The following TRPM5 variants were observed in gnomAD, a reference collection of about 807,000 sequenced individuals.
The protein encoded by TRPM5 is MLSN1 and TRP-related.
TRPM5 carries 121 observed loss-of-function variants against 124.9 expected under a neutral mutation model. That is an observed-to-expected ratio of 0.97 (90% CI 0.84 to 1.13). The LOEUF (loss-of-function observed/expected upper bound fraction) is 1.13, where lower values mean the gene tolerates loss of function less well. TRPM5 is among the 50% of genes most tolerant of loss of function. The pLI, the probability that TRPM5 is intolerant of heterozygous loss-of-function variation, is 0.00. For synonymous variants in TRPM5, 781 were observed against 700.5 expected (o/e 1.11, Z -1.81); for missense variants, 1,643 against 1,589.1 (o/e 1.03, Z -0.58).
chr11:2,433,752 T>C, the TRPM5 span, among the ~76,000 whole-genome samples: 11 of 152,234 alleles, frequency 7.2e-5, no homozygotes, highest in African/African-American at 2.7e-4. Flanking sequence ...TGTGCCTGTG[T>C]GTGTCACTGT....
intron 21 of TRPM5, among the ~76,000 whole-genome samples, chr11:2,406,312 T>C (rs972394056): frequency 6.6e-6 from 1 of 152,100 alleles, no homozygotes; most frequent in African/African-American, 2.4e-5. Flanking sequence ...TAGGGTGCCA[T>C]CCCTGCCTGG....
Position 2,407,138 on chromosome 11 carries a change from CTCAGCCTCCTTCTTGAAGACCCGGCG to C in TRPM5, c.3073_3098del (p.Arg1025AlafsTer88), listed in dbSNP as rs1389075998. ...CCTCACCCAGGTGCTCCCGCTTGTG[CTCAGCCTCCTTCTTGAAGACCCGGCG>C]GAGCGTCAGGCTCAGGTGGCTGAGC... On this transcript the variant is annotated frameshift_variant, in exon 20 of 24. Coordinates refer to ENST00000155858, the Ensembl canonical transcript of TRPM5. LOFTEE classifies it high-confidence loss of function. The C allele has an allele frequency of 1.2e-6, 2 of 1,603,862 alleles. No homozygotes were observed. Among genetic ancestry groups the C allele is most frequent in the Non-Finnish European group, 1.7e-6 (2 of 1,176,704 alleles).
chr11:2,411,700 G>A (rs754666197), exon 17 of TRPM5: 11 of 1,612,704 alleles, frequency 6.8e-6, no homozygotes, highest in Middle Eastern at 1.7e-4. Context: ...TGGATCAGCC[G>A]CAGCGTGAAC....
upstream of TRPM5, among the ~76,000 whole-genome samples, chr11:2,426,570 C>A (rs1845842078): frequency 6.6e-6 from 1 of 152,044 alleles, no homozygotes; most frequent in South Asian, 2.1e-4. Flanking sequence ...CTGGGGCTCC[C>A]AGGGCAGCGG....
intron 1 of TRPM5, 23 bp from the exon 7 acceptor site, chr11:2,422,344 A>T: frequency 1.3e-6 from 2 of 1,481,954 alleles, no homozygotes; most frequent in Non-Finnish European, 1.8e-6. Context: ...TCTGCAGCTC[A>T]GGGCTTTCGG....
chr11:2,415,560 G>A (rs1222690666), intron 8 of TRPM5, 89 bp from the exon 14 acceptor site: 11 of 923,206 alleles, frequency 1.2e-5, no homozygotes, highest in Non-Finnish European at 1.4e-5. Flanking sequence ...AGAGCAGGGA[G>A]CATGGGGATC....
chr11:2,437,503 C>G, the TRPM5 span, among the ~76,000 whole-genome samples: 2 of 152,142 alleles, frequency 1.3e-5, no homozygotes, highest in Non-Finnish European at 2.9e-5. This position sits in a 1 kb window ranked among gnomAD's most constrained non-coding sequence, Gnocchi z 5.6. Flanking sequence ...ACAGTCAATG[C>G]CGGTGCTGAC....
chr11:2,421,459 G>A (rs1052612325), intron 2 of TRPM5, among the ~76,000 whole-genome samples: 12 of 152,158 alleles, frequency 7.9e-5, no homozygotes, highest in Non-Finnish European at 1.5e-4. Flanking sequence ...CACAAACTGG[G>A]GTCCAGTCCC....
intron 6 of TRPM5, 59 bp downstream of exon 11, chr11:2,418,108 A>G: frequency 6.9e-7 from 1 of 1,443,600 alleles, no homozygotes. Flanking sequence ...ACTCTCCCAG[A>G]GGACCAGCCC....
exon 22 of TRPM5, chr11:2,406,026 T>G (rs770307202): frequency 6.2e-7 from 1 of 1,611,636 alleles, no homozygotes; most frequent in South Asian, 1.1e-5. Context: ...TGCCTGTGAC[T>G]CCAGACACTT....
In TRPM5 at chr11:2,415,115, G is replaced by C. The variant is rs372291525; in HGVS notation, c.1479+6C>G. On this transcript the variant is annotated splice_donor_region_variant and intron_variant, in intron 9 of 23. Coordinates refer to ENST00000155858, the Ensembl canonical transcript of TRPM5. ...CGCCCTCCATCCCCACGGAGCCCCC[G>C]CTCACCGCCCTCCTGCGGTCCCCTG... The C allele has an allele frequency of 6.4e-7, 1 of 1,568,640 alleles. No individual in the cohort carries two copies. The highest frequency in any genetic ancestry group is 2.3e-5 in the East Asian group (1 of 43,256).
At chr11:2,435,922 C>A in the TRPM5 span, among the ~76,000 whole-genome samples, 144 of 152,370 alleles carry the variant, frequency 9.5e-4, 1 homozygote, top group African/African-American at 3.3e-3. This position sits in a 1 kb window ranked among gnomAD's most constrained non-coding sequence, Gnocchi z 4.1. Context: ...GATGCCCACA[C>A]TCTGGGGAAC....
At position 2,411,763 on chromosome 11, in the gene TRPM5, G is replaced by A. The variant is rs759101309; in HGVS notation, c.2479C>T (p.Leu827=). ...CGGCCAGCCTCAAACGCCGACGGCA[G>A]CATCCTGGAGGATGGGAGGCTGATG... The change falls in exon 17 of 24, where the codon CTG becomes TTG. Residue 827 remains leucine, a synonymous_variant. Transcript: ENST00000155858. 4 of 1,612,522 alleles carry A rather than the reference G, an allele frequency of 2.5e-6. No homozygotes were observed. The East Asian group carries it at 8.9e-5, about 36-fold the overall frequency.
At position 2,412,188 on chromosome 11, in the gene TRPM5, CCAGTTGTCCCCCACATA is replaced by C; in HGVS notation, c.2404_2420del (p.Tyr802GlufsTer4). On this transcript the variant is annotated frameshift_variant, in exon 16 of 24. Transcript: ENST00000155858. LOFTEE classifies it high-confidence loss of function. The stretch of plus-strand genomic sequence containing the variant: ...AGATGGCCACCATGTCACACTTGTT[CCAGTTGTCCCCCACATA>C]CAGTGTGAACTTCTTCACCAGGTGT... The C allele has an allele frequency of 1.9e-6, 3 of 1,613,620 alleles. No homozygotes were observed. The highest frequency in any genetic ancestry group is 1.7e-6 in the Non-Finnish European group (2 of 1,180,002).
the TRPM5 span, among the ~76,000 whole-genome samples, chr11:2,439,104 C>T: frequency 1.3e-5 from 2 of 152,184 alleles, no homozygotes; most frequent in Non-Finnish European, 2.9e-5. Context: ...ATAAATGGTG[C>T]TGAGACAGCT....
At chr11:2,405,420 G>A (rs1366098571) in intron 23 of TRPM5, 107 bp downstream of exon 28, 28 of 1,213,800 alleles carry the variant, frequency 2.3e-5, no homozygotes, top group South Asian at 5.6e-5. Context: ...TGAGACTCCC[G>A]GGCCAGGCAG....
In TRPM5 at chr11:2,408,620, C is replaced by T. The variant is rs571949269; in HGVS notation, c.2783-708G>A. On this transcript the variant is annotated intron_variant, in intron 18 of 23. Coordinates refer to ENST00000155858, the Ensembl canonical transcript of TRPM5. ...CCCTGGAGGGGTGGCAGATCTCACT[C>T]CAGTCCCTTAAAACCAGACCCTCAC... Among the ~76,000 whole-genome samples the T allele has an allele frequency of 1.4e-4, 22 of 152,312 alleles. No homozygotes were observed. The South Asian group carries it at 4.3e-3, about 30-fold the overall frequency.
the TRPM5 span, among the ~76,000 whole-genome samples, chr11:2,433,405 T>C: frequency 1.1e-3 from 165 of 152,298 alleles, 1 homozygote; most frequent in African/African-American, 3.7e-3. Flanking sequence ...AACTCCACCA[T>C]TGAGGGCAGA....
Position 2,413,486 on chromosome 11 carries a change from TGA to T in TRPM5, c.1991_1992del (p.Leu664HisfsTer5). 1 of 1,608,040 alleles carries T rather than the reference TGA, an allele frequency of 6.2e-7. No homozygotes were observed. On this transcript the variant is annotated frameshift_variant, in exon 13 of 24. Transcript: ENST00000155858. LOFTEE classifies it high-confidence loss of function. ...ACAGGCCTCACCCACCTGAAGGTGA[TGA>T]GGTTGGTATAGACGAGGGCGGGGCA... is the stretch of plus-strand genomic sequence containing the variant.
Sources: allele counts gnomAD v4.1 joint callset (sites outside exome capture counted in the v4.1 genomes callset), GRCh38; gene constraint gnomAD v4.1.1; non-coding constraint Gnocchi (gnomAD v3.1); transcripts MANE v1.5; gene names NCBI Gene and HGNC (gene_info 2026-07-23, HGNC 2026-07-21).